SLC51A: variants seen among roughly 807,000 people sequenced by gnomAD.
SLC51A encodes the protein solute carrier family 51 member A, also known as organic solute transporter subunit alpha.
In SLC51A, 22 loss-of-function variants were observed where a neutral mutation model predicts 34.8. The observed-to-expected ratio is 0.63, with a 90% CI of 0.45 to 0.90. The LOEUF (loss-of-function observed/expected upper bound fraction) is 0.90. SLC51A is among the 40% of genes least tolerant of loss of function. The pLI, the probability that SLC51A is intolerant of heterozygous loss-of-function variation, is 0.00. For synonymous variants in SLC51A, 181 were observed against 176.3 expected (o/e 1.03, Z -0.21); for missense variants, 371 against 414.8 (o/e 0.89, Z 0.92).
rs56030157 is a variant in SLC51A, at chr3:196,216,610, C to A, written c.-103C>A. 2.5e-5 allele frequency: 29 copies of A among 1,148,110 alleles called. No homozygotes were observed. The highest frequency in any genetic ancestry group is 4.0e-5 in the Admixed American group (2 of 50,258). The allele number at this position is 1,148,110 out of a possible 1,614,324, so 71.1% of individuals were successfully genotyped here. ...AGACTCTGCAATTCTGCTTGCCCCCCACCCCGGCCCAGGCAAGCCACCCTG... is the reference window on the plus strand; with the variant it reads ...AGACTCTGCAATTCTGCTTGCCCCCAACCCCGGCCCAGGCAAGCCACCCTG... On this transcript the variant is annotated 5_prime_UTR_variant, in exon 1 of 9. Transcript: ENST00000296327. This position sits in a 1 kb window ranked among gnomAD's most constrained non-coding sequence, Gnocchi z 4.5.
In SLC51A at chr3:196,226,790, G is replaced by A. The variant is rs144529149; in HGVS notation, c.134-175G>A. 9.2e-3 allele frequency among the ~76,000 whole-genome samples: 866 copies of A among 93,816 alleles called. 20 individuals are homozygous for A. The highest frequency in any genetic ancestry group is 0.013 in the Non-Finnish European group (546 of 41,162). The allele number at this position is 93,816 out of a possible 152,430, so 61.5% of individuals were successfully genotyped here. The stretch of plus-strand genomic sequence containing the variant: ...CTCCGTCTTAAAAAAAAAAAAAAAA[G>A]AAAAAGAAAAAAAAAAGACTATTTC... On this transcript the variant is annotated intron_variant, in intron 2 of 8. Coordinates refer to ENST00000296327, the MANE Select transcript of SLC51A (RefSeq NM_152672.6).
At chr3:196,229,027 G>A in intron 6 of SLC51A, 107 bp downstream of exon 6, 1 of 921,360 alleles carries the variant, frequency 1.1e-6, no homozygotes, top group Non-Finnish European at 1.7e-6. Context: ...CCCAGAAAAG[G>A]GTGGCTGTGG....
At chr3:196,219,184 C>G (rs1308829915) in intron 2 of SLC51A, among the ~76,000 whole-genome samples, 1 of 152,140 alleles carries the variant, frequency 6.6e-6, no homozygotes, top group Admixed American at 6.6e-5. Context: ...CGAGATCACG[C>G]CACTGCACTG....
intron 1 of SLC51A, 37 bp from the exon 2 acceptor site, chr3:196,217,805 C>A (rs1251279843): frequency 1.9e-6 from 3 of 1,590,644 alleles, no homozygotes; most frequent in South Asian, 1.1e-5. Context: ...CTTCCCCCAG[C>A]CCCCATGGTT....
chr3:196,227,887 G>A (rs1723936857), intron 4 of SLC51A, 150 bp downstream of exon 4: 2 of 924,878 alleles, frequency 2.2e-6, no homozygotes, highest in African/African-American at 3.3e-5. Context: ...CTCTGCTCAG[G>A]GAATGCCTCA....
chr3:196,227,639 AC>A, intron 3 of SLC51A, 24 bp from the exon 4 acceptor site: 1 of 1,611,962 alleles, frequency 6.2e-7, no homozygotes, highest in East Asian at 2.2e-5. Context: ...TCCCGCCCTC[AC>A]CTGCTCCTGC....
chr3:196,218,709 C>A lies in SLC51A; in HGVS notation c.133+773C>A, dbSNP rs542161363. On this transcript the variant is annotated intron_variant, in intron 2 of 8. Coordinates refer to ENST00000296327, the MANE Select transcript of SLC51A (RefSeq NM_152672.6). ...TTTCCTGAAGATAACTTGGGGTGCT[C>A]CTGGTCGTCCATCTACTGCTTTGAT... Among the ~76,000 whole-genome samples, 140 of 152,220 alleles carry A rather than the reference C, an allele frequency of 9.2e-4. 1 individual carries two copies. Among genetic ancestry groups the A allele is most frequent in the African/African-American group, 3.3e-3 (139 of 41,542 alleles).
rs748720725 is a variant in SLC51A at position 196,227,013 on chromosome 3, C to T, written c.182C>T (p.Ala61Val). 16 of 1,613,936 alleles carry T rather than the reference C, an allele frequency of 9.9e-6. No homozygotes were observed. The highest frequency in any genetic ancestry group is 3.3e-5 in the South Asian group (3 of 91,076). The change falls in exon 3 of 9, where the codon GCG becomes GTG. Residue 61 changes from alanine to valine, a missense_variant. Ala to Val is a moderately conservative substitution (Grantham distance 64). Transcript: ENST00000296327. ...LALTSILTLL[A>V]LGSIAIFLED... is the part of the protein sequence containing the mutation. ...CTCACTAGCATCCTGACCTTGCTGGCGCTGGGCTCCATTGCCATCTTCCTG... is the reference window on the plus strand; with the variant it reads ...CTCACTAGCATCCTGACCTTGCTGGTGCTGGGCTCCATTGCCATCTTCCTG...
At chr3:196,227,278 T>C (rs1723922058) in intron 3 of SLC51A, 159 bp downstream of exon 3, 4 of 708,102 alleles carry the variant, frequency 5.6e-6, no homozygotes, top group Admixed American at 5.6e-5. Context: ...GCAGTTAGGA[T>C]CCTCTGCTTG....
Position 196,221,953 on chromosome 3 carries a change from C to T in SLC51A, c.133+4017C>T, listed in dbSNP as rs144548894. On this transcript the variant is annotated intron_variant, in intron 2 of 8. Transcript: ENST00000296327. ...CAGGATGGTCTCGATCTCCTGACCT[C>T]GTGATCCGCCCGCCTCGGCCTCCCA... Among the ~76,000 whole-genome samples, 362 of 149,970 alleles carry T rather than the reference C, an allele frequency of 2.4e-3. 3 individuals carry two copies. Among genetic ancestry groups the T allele is most frequent in the African/African-American group, 8.7e-3 (356 of 40,856 alleles).
Position 196,216,869 on chromosome 3 carries a change from G to A in SLC51A, c.38+119G>A. The A allele has an allele frequency of 1.5e-5, 17 of 1,099,092 alleles. No homozygotes were observed. The South Asian group carries it at 2.4e-4, about 15-fold the overall frequency. 68.1% of individuals were successfully genotyped at this position (1,099,092 alleles called of 1,614,324 possible). On this transcript the variant is annotated intron_variant, in intron 1 of 8. Coordinates refer to ENST00000296327, the MANE Select transcript of SLC51A (RefSeq NM_152672.6). This position sits in a 1 kb window ranked among gnomAD's most constrained non-coding sequence, Gnocchi z 4.5. ...GCCGCACTCAGAATGAGACAGGACT[G>A]GAAATGCTCTAGCTGTTCCTAGGTC...
intron 6 of SLC51A, among the ~76,000 whole-genome samples, chr3:196,229,378 CTTT>C (rs35341874): frequency 7.6e-6 from 1 of 130,912 alleles, no homozygotes; most frequent in Admixed American, 7.9e-5. Flanking sequence ...GATACCATCT[CTTT>C]TTTTTTTTTT....
At chr3:196,226,836 C>T (rs1723905522) in intron 2 of SLC51A, 129 bp from the exon 3 acceptor site, 5 of 736,856 alleles carry the variant, frequency 6.8e-6, no homozygotes, top group Admixed American at 5.9e-5. Flanking sequence ...TACTCTAGGT[C>T]TAAAAAATCC....
chr3:196,233,302 A>C lies in SLC51A; in HGVS notation c.*103A>C, dbSNP rs752209789. The C allele has an allele frequency of 2.3e-4, 297 of 1,310,424 alleles. 1 individual carries two copies. The highest frequency in any genetic ancestry group is 3.1e-4 in the Non-Finnish European group (291 of 949,006). 81.2% of individuals were successfully genotyped at this position (1,310,424 alleles called of 1,614,324 possible). On this transcript the variant is annotated 3_prime_UTR_variant, in exon 9 of 9. Transcript: ENST00000296327. Reference sequence around the variant, plus strand: ...AAATGGGAAGCATTCCCCCTTGTCAACACAAGCTGGCAGATACATTTGACT... The same window carrying C: ...AAATGGGAAGCATTCCCCCTTGTCACCACAAGCTGGCAGATACATTTGACT...
rs566503522 is a variant in SLC51A at position 196,217,804 on chromosome 3, G to C, written c.39-38G>C. 3.9e-5 allele frequency: 62 copies of C among 1,590,770 alleles called. No homozygotes were observed. In the African/African-American group the frequency reaches 7.0e-4, roughly 18 times the overall value. On this transcript the variant is annotated intron_variant, in intron 1 of 8. Coordinates refer to ENST00000296327, the MANE Select transcript of SLC51A (RefSeq NM_152672.6). ...GTGTGCAACCCTCCCCCTTCCCCCAGCCCCCATGGTTCTGAGCACAGGCTG... is the reference window on the plus strand; with the variant it reads ...GTGTGCAACCCTCCCCCTTCCCCCACCCCCCATGGTTCTGAGCACAGGCTG...
chr3:196,224,432 C>T (rs908402892), intron 2 of SLC51A, among the ~76,000 whole-genome samples: 3 of 150,360 alleles, frequency 2.0e-5, no homozygotes, highest in East Asian at 2.0e-4. Flanking sequence ...CGGTGGCTCA[C>T]GCCTGTAATC....
In SLC51A at chr3:196,230,476, T is replaced by C. The variant is rs1323274399; in HGVS notation, c.780+415T>C. Among the ~76,000 whole-genome samples the C allele has an allele frequency of 3.3e-5, 5 of 152,126 alleles. No homozygotes were observed. The South Asian group carries it at 1.0e-3, about 32-fold the overall frequency. ...TCCCATTTCTGCCTCCATTATCTCG[T>C]TATATTCTCCCCTTGTGTTTCTGTG... is the stretch of plus-strand genomic sequence containing the variant. On this transcript the variant is annotated intron_variant, in intron 7 of 8. Transcript: ENST00000296327.
At position 196,228,359 on chromosome 3, in the gene SLC51A, G is replaced by A. The variant is rs1314630233; in HGVS notation, c.521+86G>A. 13 of 1,480,078 alleles carry A rather than the reference G, an allele frequency of 8.8e-6. No individual in the cohort carries two copies. Among genetic ancestry groups the A allele is most frequent in the African/African-American group, 4.2e-5 (3 of 71,550 alleles). 91.7% of individuals were successfully genotyped at this position (1,480,078 alleles called of 1,614,324 possible). A position where few individuals can be genotyped will look rare whatever the true frequency, so the allele number is the denominator to read the frequency against. ...CCCTTCAAGGCTCTGGGAATTAGGC[G>A]TGAATAGGCCAAAGCCAGTGACGGA... On this transcript the variant is annotated intron_variant, in intron 5 of 8. Transcript: ENST00000296327. This position sits in a 1 kb window ranked among gnomAD's most constrained non-coding sequence, Gnocchi z 4.9.
At chr3:196,231,907 T>C (rs1724036527) in intron 7 of SLC51A, among the ~76,000 whole-genome samples, 1 of 132,170 alleles carries the variant, frequency 7.6e-6, no homozygotes, top group South Asian at 2.4e-4. Flanking sequence ...TGGCATTAAG[T>C]ACATTCCCAT....
Sources: gnomAD v4.1 joint callset for allele counts (sites outside exome capture counted in the v4.1 genomes callset) on GRCh38, gnomAD v4.1.1 for gene constraint, Gnocchi (gnomAD v3.1) non-coding constraint, MANE v1.5 for transcripts, NCBI Gene and HGNC (gene_info 2026-07-23, HGNC 2026-07-21) for gene names.